The following SHANK2 variants were observed in gnomAD, a reference collection of about 807,000 sequenced individuals.
SHANK2 encodes SH3 and multiple ankyrin repeat domains 2, also known as SH3 and multiple ankyrin repeat domains protein 2.
Under a neutral mutation model 133.7 loss-of-function variants are expected in SHANK2, and 43 were observed. The observed-to-expected ratio is 0.32, with a 90% CI of 0.25 to 0.41. SHANK2 has a LOEUF of 0.41. SHANK2 is among the 10% of genes least tolerant of loss of function. The pLI is 1.00. For missense variants in SHANK2, 1,994 were observed against 2,235.8 expected (o/e 0.89, Z 2.18); for synonymous variants, 1,017 against 952.8 (o/e 1.07, Z -1.24).
intron 17 of SHANK2, among the ~76,000 whole-genome samples, chr11:70,575,305 A>G (rs1849329457): frequency 6.6e-6 from 1 of 152,162 alleles, no homozygotes; most frequent in South Asian, 2.1e-4. Context: ...TGAGGTCAGG[A>G]GATTGAGACC....
At chr11:70,661,434 G>A (rs782579683) in intron 16 of SHANK2, among the ~76,000 whole-genome samples, 162 bp downstream of exon 16, 1 of 151,798 alleles carries the variant, frequency 6.6e-6, no homozygotes, top group Non-Finnish European at 1.5e-5. Flanking sequence ...GCAACTGAGT[G>A]CCCCCAGGAA....
intron 6 of SHANK2, among the ~76,000 whole-genome samples, chr11:71,109,664 C>T (rs1951860837): frequency 6.6e-6 from 1 of 152,248 alleles, no homozygotes; most frequent in Non-Finnish European, 1.5e-5. Context: ...TGCGTGTCAT[C>T]TGCTCATTCA....
At chr11:70,931,608 G>A (rs1555082513) in intron 10 of SHANK2, among the ~76,000 whole-genome samples, 1 of 152,210 alleles carries the variant, frequency 6.6e-6, no homozygotes, top group Non-Finnish European at 1.5e-5. Context: ...GGTCACCAGG[G>A]CCAGCCCTTC....
chr11:70,686,178 C>T (rs1945145493), intron 15 of SHANK2, among the ~76,000 whole-genome samples: 1 of 149,966 alleles, frequency 6.7e-6, no homozygotes, highest in Non-Finnish European at 1.5e-5. Flanking sequence ...TTCCATCCAT[C>T]CATCTACTCA....
At chr11:70,775,714 T>A (rs1555043798) in intron 14 of SHANK2, among the ~76,000 whole-genome samples, 1 of 152,220 alleles carries the variant, frequency 6.6e-6, no homozygotes, top group African/African-American at 2.4e-5. Context: ...TCATCCAAGA[T>A]GCTCTCCTTG....
At chr11:71,241,766 C>T (rs979780625) in intron 1 of SHANK2, among the ~76,000 whole-genome samples, 9 of 152,206 alleles carry the variant, frequency 5.9e-5, no homozygotes, top group Non-Finnish European at 1.0e-4. Context: ...CCCCTACTTT[C>T]TCCTGAGACC....
Position 70,472,760 on chromosome 11 carries a change from C to T in SHANK2, c.*109G>A. On this transcript the variant is annotated 3_prime_UTR_variant, in exon 26 of 26. Transcript: ENST00000601538. This position sits in a 1 kb window ranked among gnomAD's most constrained non-coding sequence, Gnocchi z 4.4. ...TTCTTTGGGTACCAGGAGACAAACC[C>T]ATGGAGTGGGGTTGATGCTCACAGA... 9.0e-7 allele frequency: 1 copy of T among 1,110,506 alleles called. No individual in the cohort carries two copies. The highest frequency in any genetic ancestry group is 1.5e-5 in the African/African-American group (1 of 65,266). 68.8% of individuals were successfully genotyped at this position (1,110,506 alleles called of 1,614,324 possible). A position where few individuals can be genotyped will look rare whatever the true frequency, so the allele number is the denominator to read the frequency against.
At chr11:70,575,160 C>T (rs1453665309) in intron 17 of SHANK2, among the ~76,000 whole-genome samples, 6 of 152,152 alleles carry the variant, frequency 3.9e-5, no homozygotes, top group Non-Finnish European at 7.3e-5. Flanking sequence ...ACACTGGGGT[C>T]CAGGCCAAGC....
chr11:70,597,462 A>G (rs553552413), intron 17 of SHANK2, among the ~76,000 whole-genome samples: 7 of 152,196 alleles, frequency 4.6e-5, no homozygotes, highest in Admixed American at 3.9e-4. Flanking sequence ...CGGCGGTAAG[A>G]TAAGAGGGTA....
chr11:71,211,618 C>G (rs1954284123), intron 2 of SHANK2, among the ~76,000 whole-genome samples: 1 of 149,936 alleles, frequency 6.7e-6, no homozygotes. Flanking sequence ...GTATCTATCA[C>G]CACAATCCAT....
rs145259343 is a variant in SHANK2, at chr11:70,870,603, C to T, written c.1174+25898G>A. The stretch of plus-strand genomic sequence containing the variant: ...TCAAGGTGTTGGCAGTGGGGGGGTT[C>T]ACACTGGGGACTGCAGGGAGACTCT... On this transcript the variant is annotated intron_variant, in intron 11 of 25. Transcript: ENST00000601538. Among the ~76,000 whole-genome samples the T allele has an allele frequency of 2.0e-5, 3 of 152,194 alleles. No individual in the cohort carries two copies. The East Asian group carries it at 5.8e-4, about 30-fold the overall frequency.
chr11:70,896,279 T>C, intron 11 of SHANK2: 1 of 458,944 alleles, frequency 2.2e-6, no homozygotes, highest in Non-Finnish European at 3.8e-6. Context: ...GAGAGGCATG[T>C]TTCAGACAGC....
intron 2 of SHANK2, among the ~76,000 whole-genome samples, chr11:71,200,254 A>C (rs1250619421): frequency 2.6e-5 from 4 of 152,162 alleles, no homozygotes; most frequent in African/African-American, 9.7e-5. Context: ...CACCACACGT[A>C]ATGTCCTCAA....
At chr11:70,752,257 G>A (rs1323821303) in intron 14 of SHANK2, among the ~76,000 whole-genome samples, 37 of 151,710 alleles carry the variant, frequency 2.4e-4, no homozygotes, top group Admixed American at 2.4e-3. Context: ...CAGTCTATAA[G>A]GACTCAAATT....
At chr11:70,948,046 A>C (rs147580642) in intron 10 of SHANK2, among the ~76,000 whole-genome samples, 5 of 149,892 alleles carry the variant, frequency 3.3e-5, no homozygotes, top group African/African-American at 9.8e-5. Flanking sequence ...CACTGACCCC[A>C]GGGCCTTTGC....
chr11:70,821,793 C>T (rs1304701070), intron 11 of SHANK2, among the ~76,000 whole-genome samples: 1 of 152,206 alleles, frequency 6.6e-6, no homozygotes, highest in Non-Finnish European at 1.5e-5. Context: ...GTCTCCGAGT[C>T]CACTGGCTGG....
At chr11:70,914,991 A>C (rs1167632077) in intron 10 of SHANK2, among the ~76,000 whole-genome samples, 2 of 152,098 alleles carry the variant, frequency 1.3e-5, no homozygotes, top group Non-Finnish European at 2.9e-5. Flanking sequence ...GTAGGCTACA[A>C]CACCATTCAC....
intron 11 of SHANK2, among the ~76,000 whole-genome samples, chr11:70,865,391 G>A (rs542380383): frequency 1.3e-5 from 2 of 152,176 alleles, no homozygotes; most frequent in Non-Finnish European, 1.5e-5. Context: ...TAGAGCACAG[G>A]AGCAGGGAAA....
chr11:70,644,383 C>T (rs1332871685), intron 17 of SHANK2, among the ~76,000 whole-genome samples: 2 of 152,136 alleles, frequency 1.3e-5, no homozygotes, highest in African/African-American at 2.4e-5. Flanking sequence ...ATGAATGTGA[C>T]GGATGTGACT....
Sources: allele counts gnomAD v4.1 joint callset (sites outside exome capture counted in the v4.1 genomes callset), GRCh38; gene constraint gnomAD v4.1.1; non-coding constraint Gnocchi (gnomAD v3.1); transcripts MANE v1.5; gene names NCBI Gene and HGNC (gene_info 2026-07-23, HGNC 2026-07-21).